The following APBA2 variants were observed in gnomAD, a reference collection of about 807,000 sequenced individuals.
APBA2 encodes the protein amyloid beta precursor protein binding family A member 2.
A neutral mutation model predicts 75.0 loss-of-function variants in APBA2; 30 were observed. That is an observed-to-expected ratio of 0.40 (90% CI 0.30 to 0.54). The LOEUF (loss-of-function observed/expected upper bound fraction) is 0.54, where lower values mean the gene tolerates loss of function less well. APBA2 is among the 20% of genes least tolerant of loss of function. The pLI, the probability that APBA2 is intolerant of heterozygous loss-of-function variation, is 0.49. For missense variants in APBA2, 801 were observed against 1,016.1 expected (o/e 0.79, Z 2.88); for synonymous variants, 444 against 409.6 (o/e 1.08, Z -1.01).
chr15:28,996,694 C>T (rs1330663034), intron 3 of APBA2, among the ~76,000 whole-genome samples: 1 of 152,212 alleles, frequency 6.6e-6, no homozygotes, highest in South Asian at 2.1e-4. Flanking sequence ...TCTTCATGTC[C>T]TGATGCCCAG....
intron 2 of APBA2, among the ~76,000 whole-genome samples, chr15:28,972,429 G>T (rs910706951): frequency 6.6e-6 from 1 of 152,168 alleles, no homozygotes; most frequent in Non-Finnish European, 1.5e-5. Context: ...AAGATAAAGA[G>T]AATATCAGCA....
chr15:29,010,290 G>A (rs146278644), intron 3 of APBA2, among the ~76,000 whole-genome samples: 4,491 of 152,044 alleles, frequency 0.03, 204 homozygotes, highest in African/African-American at 0.095. Flanking sequence ...ATGGAGTCTC[G>A]CTCTGTCGCC....
intron 2 of APBA2, among the ~76,000 whole-genome samples, chr15:28,981,505 T>A (rs546908905): frequency 6.6e-6 from 1 of 152,042 alleles, no homozygotes; most frequent in South Asian, 2.1e-4. Context: ...GCAAAAAAAA[T>A]AACAGTTGCT....
intron 1 of APBA2, among the ~76,000 whole-genome samples, chr15:28,915,313 CACACCAT>C (rs1312340751): frequency 2.2e-5 from 3 of 134,884 alleles, no homozygotes; most frequent in Admixed American, 7.3e-5. Flanking sequence ...CCACACACCA[CACACCAT>C]ACACATATCC....
intron 3 of APBA2, among the ~76,000 whole-genome samples, chr15:29,039,946 CTG>C (rs2040952298): frequency 6.6e-6 from 1 of 152,140 alleles, no homozygotes; most frequent in African/African-American, 2.4e-5. Context: ...AATAGAGTTT[CTG>C]TGGTTGGGTT....
intron 1 of APBA2, among the ~76,000 whole-genome samples, chr15:28,903,418 C>T (rs147886219): frequency 2.6e-5 from 4 of 152,278 alleles, no homozygotes; most frequent in African/African-American, 9.6e-5. Flanking sequence ...AGTAGCTGGT[C>T]GATCCACTTT....
chr15:29,026,565 T>C (rs2040231287), intron 3 of APBA2, among the ~76,000 whole-genome samples: 1 of 152,144 alleles, frequency 6.6e-6, no homozygotes, highest in South Asian at 2.1e-4. Flanking sequence ...TATTCTTCTG[T>C]AAAGAAGAGA....
At chr15:29,117,010 G>A in intron 14 of APBA2, 52 bp from the exon 15 acceptor site, 1 of 1,568,094 alleles carries the variant, frequency 6.4e-7, no homozygotes, top group Non-Finnish European at 8.8e-7. Context: ...TCACCTGATT[G>A]TGGGAGGGGA....
intron 2 of APBA2, among the ~76,000 whole-genome samples, chr15:28,980,505 G>C (rs564414066): frequency 1.3e-5 from 2 of 152,030 alleles, no homozygotes; most frequent in African/African-American, 4.8e-5. Context: ...AAAATACTTA[G>C]GACTACAGCG....
intron 4 of APBA2, among the ~76,000 whole-genome samples, chr15:29,073,332 G>T (rs2042708412): frequency 6.6e-6 from 1 of 152,184 alleles, no homozygotes; most frequent in South Asian, 2.1e-4. Flanking sequence ...TAAACCCTAA[G>T]GTGCTAGGTA....
intron 2 of APBA2, among the ~76,000 whole-genome samples, chr15:28,936,459 T>A (rs555204778): frequency 1.3e-5 from 2 of 152,174 alleles, no homozygotes; most frequent in Non-Finnish European, 2.9e-5. Context: ...GCTGTTCAGG[T>A]CAGAAGGGGG....
chr15:29,052,466 A>AG (rs2041646947), intron 3 of APBA2, among the ~76,000 whole-genome samples: 1 of 151,344 alleles, frequency 6.6e-6, no homozygotes, highest in African/African-American at 2.4e-5. Flanking sequence ...AAAAAAAAAA[A>AG]AAGAAGTAGA....
intron 4 of APBA2, among the ~76,000 whole-genome samples, chr15:29,057,447 ATAGAGT>A: frequency 6.6e-6 from 1 of 152,248 alleles, no homozygotes; most frequent in East Asian, 1.9e-4. Context: ...CAATAGTAAA[ATAGAGT>A]TAGAAAAAAT....
intron 2 of APBA2, among the ~76,000 whole-genome samples, chr15:28,959,910 G>A (rs1318917977): frequency 6.6e-6 from 1 of 152,166 alleles, no homozygotes; most frequent in Non-Finnish European, 1.5e-5. Flanking sequence ...TCGGGAGGCC[G>A]AGGCAGGTGG....
At chr15:29,038,150 A>C (rs867236694) in intron 3 of APBA2, among the ~76,000 whole-genome samples, 1 of 152,148 alleles carries the variant, frequency 6.6e-6, no homozygotes, top group Admixed American at 6.5e-5. Flanking sequence ...TGTGCTTGCC[A>C]GCTCTGTGCT....
chr15:29,005,864 AAAAT>A (rs3054523), intron 3 of APBA2, among the ~76,000 whole-genome samples: 8 of 151,314 alleles, frequency 5.3e-5, no homozygotes, highest in Admixed American at 2.0e-4. Context: ...ACTCTGTCTC[AAAAT>A]AAATAAATAA....
chr15:28,971,141 A>G (rs78807732), intron 2 of APBA2, among the ~76,000 whole-genome samples: 295 of 152,240 alleles, frequency 1.9e-3, no homozygotes, highest in Middle Eastern at 3.4e-3. Flanking sequence ...AGGGCTTTAT[A>G]AGAACGCTGT....
At chr15:28,886,944 G>A (rs1404899491) in intron 1 of APBA2, among the ~76,000 whole-genome samples, 2 of 152,228 alleles carry the variant, frequency 1.3e-5, no homozygotes, top group South Asian at 4.1e-4. Flanking sequence ...AGATGGTGAA[G>A]GAGAACATCG....
At chr15:28,962,420 T>A (rs2036525384) in intron 2 of APBA2, among the ~76,000 whole-genome samples, 1 of 151,708 alleles carries the variant, frequency 6.6e-6, no homozygotes, top group Non-Finnish European at 1.5e-5. Context: ...AAATACAAAA[T>A]TAACTGGGCA....
Sources: allele counts gnomAD v4.1 joint callset (sites outside exome capture counted in the v4.1 genomes callset), GRCh38; gene constraint gnomAD v4.1.1; transcripts MANE v1.5; gene names NCBI Gene and HGNC (gene_info 2026-07-23, HGNC 2026-07-21).